Variants in LONP2 observed in about 807,000 individuals in gnomAD.
LONP2 encodes the protein lon protease homolog 2, peroxisomal.
Under a neutral mutation model 85.6 loss-of-function variants are expected in LONP2, and 60 were observed. The ratio of observed to expected loss-of-function variants is 0.70; its 90% CI spans 0.57 to 0.87. LONP2 has a LOEUF of 0.87. Among genes scored for constraint, LONP2 ranks in the 40% least tolerant of loss-of-function variants. LONP2 has a pLI of 0.00. For synonymous variants in LONP2, 395 were observed against 389.7 expected, an observed-to-expected ratio of 1.01 and a Z score of -0.16; for missense variants, 860 against 1,063.5, an observed-to-expected ratio of 0.81 and a Z score of 2.66.
At chr16:48,279,525 C>T (rs567900600) in intron 8 of LONP2, among the ~76,000 whole-genome samples, 26 of 152,166 alleles carry the variant, frequency 1.7e-4, no homozygotes, top group South Asian at 1.0e-3. Context: ...ATTCAGCATC[C>T]GTGTATATGC....
intron 12 of LONP2, among the ~76,000 whole-genome samples, chr16:48,338,018 G>T (rs890125200): frequency 1.3e-5 from 2 of 152,074 alleles, no homozygotes; most frequent in African/African-American, 4.8e-5. Flanking sequence ...TGTTGTCCCA[G>T]ACTGGTCTCA....
chr16:48,301,878 C>T (rs1016660328), intron 10 of LONP2, among the ~76,000 whole-genome samples: 4 of 152,172 alleles, frequency 2.6e-5, no homozygotes, highest in African/African-American at 9.7e-5. Context: ...GCTAACCATT[C>T]CTCTCCTCTG....
rs1333618606 is a variant in LONP2, at chr16:48,356,716, T to C, written c.*4914T>C. ...ATAGACAACAGGCAAATATGGTGAG[T>C]GGTCATTGAGATGTTTTAAAAGTTA... On this transcript the variant is annotated 3_prime_UTR_variant, in exon 15 of 15. Transcript: ENST00000285737. 1 of 361,504 alleles carries C rather than the reference T, an allele frequency of 2.8e-6. No homozygotes were observed. The highest frequency in any genetic ancestry group is 3.7e-4 in the Middle Eastern group (1 of 2,680). 22.4% of individuals were successfully genotyped at this position (361,504 alleles called of 1,614,324 possible).
intron 1 of LONP2, among the ~76,000 whole-genome samples, chr16:48,248,878 TC>T (rs1344277754): frequency 1.4e-5 from 2 of 143,966 alleles, no homozygotes; most frequent in African/African-American, 5.3e-5. Context: ...CAAGATTCTG[TC>T]TATAGGAAAA....
chr16:48,302,521 G>T (rs1159927639), intron 10 of LONP2, among the ~76,000 whole-genome samples: 1 of 152,218 alleles, frequency 6.6e-6, no homozygotes, highest in Non-Finnish European at 1.5e-5. Flanking sequence ...TCTGTGGAAT[G>T]ACTTAACGGA....
In LONP2 at chr16:48,354,766, G is replaced by T. The variant is rs1219933054; in HGVS notation, c.*2964G>T. On this transcript the variant is annotated 3_prime_UTR_variant, in exon 15 of 15. Transcript: ENST00000285737. ...AGAAAAGAAAGATCTGGAGGGTCAG[G>T]CCACTCTTTTTCTTCAAAATAATGG... 6.6e-6 allele frequency: 1 copy of T among 152,156 alleles called. No homozygotes were observed. The highest frequency in any genetic ancestry group is 1.5e-5 in the Non-Finnish European group (1 of 68,030). The allele number at this position is 152,156 out of a possible 1,614,324, so 9.4% of individuals were successfully genotyped here.
At chr16:48,258,020 C>T (rs757125212) in intron 3 of LONP2, among the ~76,000 whole-genome samples, 1 of 152,200 alleles carries the variant, frequency 6.6e-6, no homozygotes, top group African/African-American at 2.4e-5. Context: ...AAAGAGTTGA[C>T]GTCAACTGTG....
chr16:48,311,198 T>A (rs770967629), intron 11 of LONP2, among the ~76,000 whole-genome samples: 18 of 152,196 alleles, frequency 1.2e-4, no homozygotes, highest in Non-Finnish European at 2.1e-4. Context: ...GTCTAGATCC[T>A]TTGCTAGACT....
intron 12 of LONP2, among the ~76,000 whole-genome samples, chr16:48,339,863 TG>T (rs1567350504): frequency 1.3e-5 from 2 of 152,196 alleles, no homozygotes; most frequent in African/African-American, 4.8e-5. Flanking sequence ...GGGAATGTGC[TG>T]GAGTTCATGG....
chr16:48,302,622 T>C (rs1972830600), intron 10 of LONP2, among the ~76,000 whole-genome samples: 2 of 152,266 alleles, frequency 1.3e-5, no homozygotes, highest in South Asian at 4.1e-4. Flanking sequence ...AGTGCTGTCA[T>C]CACTTAGCAT....
At chr16:48,361,456 T>C, downstream of LONP2, 1 of 884,354 alleles carries the variant, frequency 1.1e-6, no homozygotes, top group Non-Finnish European at 1.8e-6. Context: ...CCTTTCTTTT[T>C]ATTTACCTTC....
intron 8 of LONP2, among the ~76,000 whole-genome samples, chr16:48,282,834 C>T (rs923336076): frequency 2.6e-5 from 4 of 152,086 alleles, no homozygotes; most frequent in East Asian, 1.9e-4. Flanking sequence ...CATTGTAAAT[C>T]GAAAGCTAAA....
At chr16:48,263,085 A>C (rs1225945785) in intron 6 of LONP2, among the ~76,000 whole-genome samples, 1 of 152,200 alleles carries the variant, frequency 6.6e-6, no homozygotes, top group Non-Finnish European at 1.5e-5. Context: ...ATAAGTATAC[A>C]CCCATGAAAC....
At chr16:48,312,079 T>A in intron 11 of LONP2, among the ~76,000 whole-genome samples, 1 of 152,128 alleles carries the variant, frequency 6.6e-6, no homozygotes, top group East Asian at 1.9e-4. Flanking sequence ...TAGCTGGGAT[T>A]ACAAGCGTGC....
intron 12 of LONP2, 73 bp from the exon 13 acceptor site, chr16:48,347,434 C>G: frequency 1.4e-6 from 2 of 1,465,894 alleles, no homozygotes; most frequent in South Asian, 2.3e-5. Context: ...TCAGCCGACT[C>G]TTGCAGGATT....
chr16:48,334,116 C>A, intron 11 of LONP2, 100 bp from the exon 12 acceptor site: 3 of 1,057,434 alleles, frequency 2.8e-6, no homozygotes, highest in Non-Finnish European at 4.1e-6. Flanking sequence ...AGTGACTGAA[C>A]TTTTGAGGTC....
At chr16:48,326,930 T>C (rs1036338445) in intron 11 of LONP2, among the ~76,000 whole-genome samples, 1 of 152,246 alleles carries the variant, frequency 6.6e-6, no homozygotes, top group African/African-American at 2.4e-5. Flanking sequence ...GTCCAAGTGA[T>C]AGCTGCTTGC....
At chr16:48,255,238 C>T (rs1269955992) in intron 2 of LONP2, among the ~76,000 whole-genome samples, 5 of 152,254 alleles carry the variant, frequency 3.3e-5, no homozygotes, top group Middle Eastern at 3.4e-3. Flanking sequence ...TAAAGTCACT[C>T]GGACCCAGGT....
At chr16:48,337,159 T>G (rs1180765393) in intron 12 of LONP2, among the ~76,000 whole-genome samples, 1 of 152,236 alleles carries the variant, frequency 6.6e-6, no homozygotes, top group Non-Finnish European at 1.5e-5. Context: ...GAGTTAGGAT[T>G]CAGACTCAGA....
Sources: allele counts gnomAD v4.1 joint callset (sites outside exome capture counted in the v4.1 genomes callset), GRCh38; gene constraint gnomAD v4.1.1; transcripts MANE v1.5; gene names NCBI Gene and HGNC (gene_info 2026-07-23, HGNC 2026-07-21).